The following LRFN5 variants were observed in gnomAD, a reference collection of about 807,000 sequenced individuals.
LRFN5 encodes the protein leucine rich repeat and fibronectin type III domain containing 5.
Under a neutral mutation model 45.6 loss-of-function variants are expected in LRFN5, and 24 were observed. That is an observed-to-expected ratio of 0.53 (90% CI 0.38 to 0.74). The LOEUF (loss-of-function observed/expected upper bound fraction) is 0.74. Among genes scored for constraint, LRFN5 ranks in the 30% least tolerant of loss-of-function variants. The pLI is 0.00. For synonymous variants in LRFN5, 340 were observed against 313.8 expected (o/e 1.08, Z -0.88); for missense variants, 776 against 861.5 (o/e 0.90, Z 1.24).
At position 41,839,836 on chromosome 14, in the gene LRFN5, G is replaced by A. The variant is rs201839522; in HGVS notation, c.-20-46770G>A. Among the ~76,000 whole-genome samples the A allele has an allele frequency of 2.0e-5, 3 of 151,960 alleles. No individual in the cohort carries two copies. The East Asian group carries it at 5.8e-4, about 29-fold the overall frequency. Reference sequence around the variant, plus strand: ...TTAGCTAATTCAATTTCTAACCAGCGGGTATTGCTAAAGCATGCTGTGTGC... The same window carrying A: ...TTAGCTAATTCAATTTCTAACCAGCAGGTATTGCTAAAGCATGCTGTGTGC... On this transcript the variant is annotated intron_variant, in intron 2 of 5. Coordinates refer to ENST00000298119, the MANE Select transcript of LRFN5 (RefSeq NM_152447.5).
chr14:41,705,929 A>G (rs1452602748), intron 1 of LRFN5, among the ~76,000 whole-genome samples: 1 of 152,124 alleles, frequency 6.6e-6, no homozygotes, highest in Non-Finnish European at 1.5e-5. Flanking sequence ...TCATTTAAGC[A>G]TACCTTGTGG....
intron 2 of LRFN5, among the ~76,000 whole-genome samples, chr14:41,783,604 A>C (rs139795582): frequency 1.3e-5 from 2 of 152,220 alleles, no homozygotes; most frequent in East Asian, 3.9e-4. Flanking sequence ...TTCACTAATG[A>C]GTAATGAACT....
chr14:41,866,641 A>G (rs1889849959), intron 2 of LRFN5, among the ~76,000 whole-genome samples: 1 of 152,154 alleles, frequency 6.6e-6, no homozygotes, highest in Admixed American at 6.6e-5. Flanking sequence ...ATTATTATAT[A>G]AGAAAGGAGA....
chr14:41,886,703 T>C lies in LRFN5; in HGVS notation c.78T>C (p.Cys26=). ...AGATCTGTCCAAAGCGTTGTGTCTGTCAGATTTTGTCTCCTAATCTTGCAA... is the reference window on the plus strand; with the variant it reads ...AGATCTGTCCAAAGCGTTGTGTCTGCCAGATTTTGTCTCCTAATCTTGCAA... The part of the protein sequence containing the change: ...KAQICPKRCV[C]QILSPNLATL... The change falls in exon 3 of 6, where the codon TGT becomes TGC. Residue 26 remains cysteine (C), a synonymous_variant. Transcript: ENST00000298119. 6.2e-7 allele frequency: 1 copy of C among 1,614,130 alleles called. No homozygotes were observed. Among genetic ancestry groups the C allele is most frequent in the African/African-American group, 1.3e-5 (1 of 75,064 alleles).
At chr14:41,888,199 A>T (rs1890648465) in intron 3 of LRFN5, among the ~76,000 whole-genome samples, 189 bp downstream of exon 3, 1 of 152,060 alleles carries the variant, frequency 6.6e-6, no homozygotes, top group South Asian at 2.1e-4. Context: ...ATTTTTTTAG[A>T]GAGTTCAATT....
chr14:41,886,041 T>C (rs1159021290), intron 2 of LRFN5, among the ~76,000 whole-genome samples: 7 of 79,830 alleles, frequency 8.8e-5, no homozygotes, highest in East Asian at 3.8e-4. Context: ...AAAAAAAAAA[T>C]AGTGAAGGTT....
intron 4 of LRFN5, among the ~76,000 whole-genome samples, chr14:41,897,088 CAAAA>C (rs1364923641): frequency 1.4e-5 from 2 of 142,466 alleles, no homozygotes; most frequent in South Asian, 2.2e-4. Context: ...GAGACTCTGT[CAAAA>C]TAAATAAATA....
intron 1 of LRFN5, among the ~76,000 whole-genome samples, chr14:41,756,171 C>T (rs1213655095): frequency 1.3e-5 from 2 of 152,086 alleles, no homozygotes; most frequent in East Asian, 1.9e-4. Context: ...GTGGGTAAGC[C>T]GACCTTTCTC....
At chr14:41,674,964 G>C (rs1160042837) in intron 1 of LRFN5, among the ~76,000 whole-genome samples, 1 of 151,910 alleles carries the variant, frequency 6.6e-6, no homozygotes, top group Non-Finnish European at 1.5e-5. Flanking sequence ...CATCCCAGAC[G>C]GGGCGGCAGG....
rs186302581 is a variant in LRFN5 at position 41,674,895 on chromosome 14, C to G, written c.-197+66333C>G. Among the ~76,000 whole-genome samples, 1,298 of 151,458 alleles carry G rather than the reference C, an allele frequency of 8.6e-3. 27 individuals are homozygous for G. Among genetic ancestry groups the G allele is most frequent in the African/African-American group, 0.03 (1,247 of 41,166 alleles). ...CTCCTCGCTTCTCAGACGGAACGGC[C>G]GGGCAGAGACGCTCCTCACCTCCCA... is the stretch of plus-strand genomic sequence containing the variant. On this transcript the variant is annotated intron_variant, in intron 1 of 5. Coordinates refer to ENST00000298119, the MANE Select transcript of LRFN5 (RefSeq NM_152447.5).
chr14:41,745,962 C>A (rs1013453816), intron 1 of LRFN5, among the ~76,000 whole-genome samples: 7 of 151,966 alleles, frequency 4.6e-5, no homozygotes, highest in African/African-American at 1.7e-4. Flanking sequence ...ACTAATCTTT[C>A]TCAAATGGAA....
chr14:41,893,385 G>A (rs1594503584), intron 4 of LRFN5: 1 of 984,722 alleles, frequency 1.0e-6, no homozygotes, highest in African/African-American at 1.7e-5. Context: ...CATCAAAGAG[G>A]TTTTATTTTG....
intron 3 of LRFN5, among the ~76,000 whole-genome samples, chr14:41,889,083 C>T (rs1566507250): frequency 8.0e-6 from 1 of 125,642 alleles, no homozygotes; most frequent in Non-Finnish European, 1.7e-5. Flanking sequence ...ATTTCAAAGC[C>T]ATATATATAT....
At chr14:41,737,304 C>G (rs1376105902) in intron 1 of LRFN5, among the ~76,000 whole-genome samples, 1 of 152,126 alleles carries the variant, frequency 6.6e-6, no homozygotes, top group Non-Finnish European at 1.5e-5. Context: ...TTTAACACCC[C>G]TTTATGCTAC....
intron 2 of LRFN5, among the ~76,000 whole-genome samples, chr14:41,839,389 G>A (rs1400433399): frequency 1.3e-5 from 2 of 151,990 alleles, no homozygotes; most frequent in African/African-American, 2.4e-5. Flanking sequence ...ATTCAGAAAT[G>A]TATATTTGAT....
chr14:41,687,528 A>G (rs1882175220), intron 1 of LRFN5, among the ~76,000 whole-genome samples: 1 of 152,216 alleles, frequency 6.6e-6, no homozygotes, highest in Non-Finnish European at 1.5e-5. Context: ...CTATAAAGAC[A>G]CACGCACACA....
intron 2 of LRFN5, among the ~76,000 whole-genome samples, chr14:41,872,613 G>T (rs1040377352): frequency 6.6e-6 from 1 of 152,080 alleles, no homozygotes; most frequent in African/African-American, 2.4e-5. Context: ...TTGGTGCTAG[G>T]GTTCCACACA....
At chr14:41,704,446 C>CTGTGTGTGTGTGTGTGTGTGTGTGTG (rs1233748767) in intron 1 of LRFN5, among the ~76,000 whole-genome samples, 6 of 126,946 alleles carry the variant, frequency 4.7e-5, no homozygotes, top group African/African-American at 2.1e-4. Flanking sequence ...CTCTCTCTCT[C>CTGTGTGTGTGTGTGTGTGTGTGTGTG]TCTGTGTGTG....
intron 1 of LRFN5, among the ~76,000 whole-genome samples, chr14:41,645,258 G>A (rs571152754): frequency 1.3e-5 from 2 of 152,184 alleles, no homozygotes; most frequent in African/African-American, 4.8e-5. Context: ...TGATTGAAAT[G>A]GAGTCTCACT....
Sources: gnomAD v4.1 joint callset for allele counts (sites outside exome capture counted in the v4.1 genomes callset) on GRCh38, gnomAD v4.1.1 for gene constraint, MANE v1.5 for transcripts, NCBI Gene and HGNC (gene_info 2026-07-23, HGNC 2026-07-21) for gene names.